The following ROBO2 variants were observed in gnomAD, a reference collection of about 807,000 sequenced individuals.
The protein encoded by ROBO2 is roundabout homolog 2.
ROBO2 carries 53 observed loss-of-function variants against 160.8 expected under a neutral mutation model. The observed-to-expected ratio is 0.33, with a 90% CI of 0.26 to 0.41. ROBO2 has a LOEUF of 0.41. Ranked by LOEUF, ROBO2 falls within the 10% of genes least tolerant of loss-of-function variation. ROBO2 has a pLI of 1.00. For missense variants in ROBO2, 1,577 were observed against 1,722.4 expected, an observed-to-expected ratio of 0.92 and a Z score of 1.49; for synonymous variants, 664 against 611.7, an observed-to-expected ratio of 1.09 and a Z score of -1.26.
intron 2 of ROBO2, among the ~76,000 whole-genome samples, chr3:76,958,913 T>C (rs936544330): frequency 5.3e-5 from 8 of 152,266 alleles, no homozygotes; most frequent in Non-Finnish European, 1.2e-4. Flanking sequence ...TGATACTCTC[T>C]CTTTCTTTAA....
intron 2 of ROBO2, among the ~76,000 whole-genome samples, chr3:76,543,592 A>G (rs76465647): frequency 2.0e-3 from 310 of 152,250 alleles, no homozygotes; most frequent in African/African-American, 7.4e-3. Context: ...TGCTAGCTCT[A>G]TAACTGCGGC....
intron 2 of ROBO2, among the ~76,000 whole-genome samples, chr3:76,276,475 G>T (rs557530269): frequency 2.6e-5 from 4 of 151,964 alleles, no homozygotes; most frequent in Non-Finnish European, 5.9e-5. Context: ...CTATCAAACT[G>T]AGCTGGTTTA....
At chr3:76,003,252 A>G (rs1241284734) in intron 2 of ROBO2, among the ~76,000 whole-genome samples, 2 of 152,330 alleles carry the variant, frequency 1.3e-5, no homozygotes, top group Non-Finnish European at 1.5e-5. Context: ...ACCAGTGGAC[A>G]TAACTACCAA....
chr3:76,634,611 G>A (rs2090217444), intron 2 of ROBO2, among the ~76,000 whole-genome samples: 1 of 151,558 alleles, frequency 6.6e-6, no homozygotes, highest in African/African-American at 2.4e-5. Context: ...TTGAATTAAG[G>A]ACCACTCTAA....
intron 2 of ROBO2, among the ~76,000 whole-genome samples, chr3:77,192,672 G>A (rs367621254): frequency 5.2e-5 from 1 of 19,256 alleles, no homozygotes; most frequent in Admixed American, 5.6e-4. Flanking sequence ...TTTTTTTTTT[G>A]AGACAGAGTC....
At chr3:76,381,846 C>T (rs1413952017) in intron 2 of ROBO2, among the ~76,000 whole-genome samples, 8 of 152,112 alleles carry the variant, frequency 5.3e-5, no homozygotes, top group African/African-American at 1.9e-4. Context: ...TAATAAGTGG[C>T]CAGGTTGGAT....
chr3:76,623,510 T>G (rs530319418), intron 2 of ROBO2, among the ~76,000 whole-genome samples: 1 of 152,336 alleles, frequency 6.6e-6, no homozygotes, highest in South Asian at 2.1e-4. Context: ...CTTAAGTATT[T>G]ACTAATGCAT....
chr3:76,028,497 A>G (rs930263674), intron 2 of ROBO2, among the ~76,000 whole-genome samples: 2 of 152,032 alleles, frequency 1.3e-5, no homozygotes, highest in Non-Finnish European at 2.9e-5. Context: ...CTCCAGGATC[A>G]TAAGAGACTT....
chr3:77,249,404 C>G (rs541010287), intron 2 of ROBO2, among the ~76,000 whole-genome samples: 10 of 152,128 alleles, frequency 6.6e-5, no homozygotes, highest in African/African-American at 2.4e-4. Context: ...ATTTCAAAAA[C>G]TCTGAAACGT....
chr3:76,521,809 A>G (rs926742339), intron 2 of ROBO2, among the ~76,000 whole-genome samples: 2 of 152,302 alleles, frequency 1.3e-5, no homozygotes, highest in South Asian at 2.1e-4. Context: ...TTATTCTTAT[A>G]GAGTTATTAT....
intron 21 of ROBO2, among the ~76,000 whole-genome samples, chr3:77,612,091 G>T (rs2094654803): frequency 6.6e-6 from 1 of 152,142 alleles, no homozygotes; most frequent in Non-Finnish European, 1.5e-5. Context: ...TAGTTGCCAG[G>T]CAAGACAGAT....
At chr3:77,197,209 G>A (rs561798827) in intron 2 of ROBO2, among the ~76,000 whole-genome samples, 16 of 152,236 alleles carry the variant, frequency 1.1e-4, no homozygotes, top group Non-Finnish European at 2.1e-4. Context: ...TTCCAAAGCT[G>A]AAATTTCACA....
chr3:76,220,426 G>C (rs576055225), intron 2 of ROBO2, among the ~76,000 whole-genome samples: 1 of 151,948 alleles, frequency 6.6e-6, no homozygotes. Flanking sequence ...GTAAAAGCTC[G>C]ATCCTCACAC....
chr3:75,929,909 G>C (rs910524547), intron 1 of ROBO2, among the ~76,000 whole-genome samples: 1 of 152,106 alleles, frequency 6.6e-6, no homozygotes, highest in African/African-American at 2.4e-5. Flanking sequence ...TGGCCAGGCT[G>C]GTCTCGAACT....
At chr3:76,240,607 A>AT (rs1315923188) in intron 2 of ROBO2, among the ~76,000 whole-genome samples, 3 of 152,180 alleles carry the variant, frequency 2.0e-5, no homozygotes, top group Non-Finnish European at 4.4e-5. Context: ...AAATAGAAAA[A>AT]AGATGCTCTT....
At chr3:76,740,433 G>C (rs1480960552) in intron 2 of ROBO2, among the ~76,000 whole-genome samples, 1 of 152,102 alleles carries the variant, frequency 6.6e-6, no homozygotes, top group Non-Finnish European at 1.5e-5. Context: ...AAAGTAGTAA[G>C]TCACACCCCA....
rs754551385 is a variant in ROBO2 at position 76,666,269 on chromosome 3, A to G, written c.110-431745A>G. Among the ~76,000 whole-genome samples the G allele has an allele frequency of 1.3e-3, 192 of 151,986 alleles. 1 individual carries two copies. The highest frequency in any genetic ancestry group is 3.2e-3 in the Admixed American group (48 of 15,218). ...CATAACAGCTACGATTTTTCAGCAT[A>G]CCAACTTTATGTATTTCTTTAATTA... On this transcript the variant is annotated intron_variant, in intron 2 of 26. Coordinates refer to the ROBO2 transcript ENST00000487694.
chr3:76,263,824 G>T (rs757495955), intron 2 of ROBO2, among the ~76,000 whole-genome samples: 23 of 152,052 alleles, frequency 1.5e-4, no homozygotes, highest in Non-Finnish European at 2.8e-4. Flanking sequence ...CAACCCAAAT[G>T]ACCATCAGTG....
At chr3:76,959,329 T>G in intron 2 of ROBO2, among the ~76,000 whole-genome samples, 1 of 152,182 alleles carries the variant, frequency 6.6e-6, no homozygotes, top group East Asian at 1.9e-4. Flanking sequence ...ACCAACCTAT[T>G]ACTAGTGCAC....
Sources: allele counts gnomAD v4.1 joint callset (sites outside exome capture counted in the v4.1 genomes callset), GRCh38; gene constraint gnomAD v4.1.1; transcripts MANE v1.5; gene names NCBI Gene and HGNC (gene_info 2026-07-23, HGNC 2026-07-21).